ZMYM5: variants seen among roughly 807,000 people sequenced by gnomAD.
The protein encoded by ZMYM5 is zinc finger MYM-type containing 5.
In ZMYM5, 41 loss-of-function variants were observed where a neutral mutation model predicts 61.8. The ratio of observed to expected loss-of-function variants is 0.66; its 90% CI spans 0.52 to 0.86. The LOEUF (loss-of-function observed/expected upper bound fraction) is 0.86, where lower values mean the gene tolerates loss of function less well. Ranked by LOEUF, ZMYM5 falls within the 40% of genes least tolerant of loss-of-function variation. ZMYM5 has a pLI of 0.00. For synonymous variants in ZMYM5, 257 were observed against 276.4 expected, an observed-to-expected ratio of 0.93 and a Z score of 0.70; for missense variants, 706 against 786.7, an observed-to-expected ratio of 0.90 and a Z score of 1.23.
At chr13:19,854,895 G>T (rs1409655101) in intron 2 of ZMYM5, among the ~76,000 whole-genome samples, 1 of 152,102 alleles carries the variant, frequency 6.6e-6, no homozygotes. Context: ...TTCTTAGCCA[G>T]TATATTATAT....
intron 1 of ZMYM5, 145 bp from the exon 2 acceptor site, chr13:19,862,611 A>G (rs1379421597): frequency 6.6e-6 from 1 of 152,170 alleles, no homozygotes; most frequent in Non-Finnish European, 1.5e-5. Flanking sequence ...CGAGAAACTA[A>G]GTTGAAAAAA....
intron 6 of ZMYM5, 52 bp from the exon 7 acceptor site, chr13:19,835,741 T>C (rs1191225487): frequency 1.0e-5 from 13 of 1,270,360 alleles, no homozygotes; most frequent in East Asian, 9.4e-5. Flanking sequence ...CAGATTAGCA[T>C]AGCAAGCAAT....
At chr13:19,859,601 G>GT (rs1425456187) in intron 2 of ZMYM5, among the ~76,000 whole-genome samples, 3 of 151,340 alleles carry the variant, frequency 2.0e-5, no homozygotes, top group East Asian at 4.0e-4. Flanking sequence ...TAAAGATGGG[G>GT]TTTCACCGTG....
intron 4 of ZMYM5, among the ~76,000 whole-genome samples, chr13:19,844,460 T>C (rs187543835): frequency 2.6e-5 from 4 of 152,276 alleles, no homozygotes; most frequent in African/African-American, 9.6e-5. Context: ...GACATGTACA[T>C]AGTAATAAAT....
At position 19,835,139 on chromosome 13, in the gene ZMYM5, T is replaced by C. The variant is rs543351800; in HGVS notation, c.1251+338A>G. On this transcript the variant is annotated intron_variant, in intron 7 of 7. Transcript: ENST00000337963. ...CAAAGTAGCTGAGACTACAGGCACA[T>C]GCCATCATGCCTGCGGCTAATTCTA... Among the ~76,000 whole-genome samples the C allele has an allele frequency of 8.5e-4, 129 of 152,146 alleles. 3 individuals carry two copies. In the South Asian group the frequency reaches 0.026, roughly 30 times the overall value.
chr13:19,853,541 C>G (rs1204521925), intron 2 of ZMYM5, among the ~76,000 whole-genome samples: 1 of 151,896 alleles, frequency 6.6e-6, no homozygotes, highest in Non-Finnish European at 1.5e-5. Context: ...GATTCTCCCA[C>G]CTGGACCTTT....
chr13:19,837,550 C>T, intron 6 of ZMYM5, 106 bp downstream of exon 6: 1 of 1,607,300 alleles, frequency 6.2e-7, no homozygotes, highest in Non-Finnish European at 8.5e-7. Context: ...TCATGTTATA[C>T]ATCCAGAACA....
intron 7 of ZMYM5, among the ~76,000 whole-genome samples, chr13:19,826,046 T>TAAAAAAAAAA (rs56181038): frequency 2.5e-5 from 3 of 118,890 alleles, no homozygotes; most frequent in Admixed American, 9.0e-5. Flanking sequence ...ACTCCATGCT[T>TAAAAAAAAAA]AAAAAAAAAA....
At chr13:19,857,811 A>C (rs1953566343) in intron 2 of ZMYM5, among the ~76,000 whole-genome samples, 1 of 152,092 alleles carries the variant, frequency 6.6e-6, no homozygotes, top group Non-Finnish European at 1.5e-5. Flanking sequence ...TGAGCCCAGG[A>C]GTTCAAGACC....
At chr13:19,838,376 T>C (rs1307238770) in intron 5 of ZMYM5, among the ~76,000 whole-genome samples, 2 of 152,162 alleles carry the variant, frequency 1.3e-5, no homozygotes, top group Non-Finnish European at 2.9e-5. Context: ...AGACTCCGTC[T>C]CAAAAACAAA....
intron 4 of ZMYM5, among the ~76,000 whole-genome samples, chr13:19,849,094 T>C (rs1953188458): frequency 6.6e-6 from 1 of 152,112 alleles, no homozygotes; most frequent in Non-Finnish European, 1.5e-5. Context: ...GAATGAGTAC[T>C]TCAGACAAAT....
chr13:19,824,386 T>A lies in ZMYM5; in HGVS notation c.*91A>T. Reference sequence around the variant, plus strand: ...CTGCAAGTTACTCTGTAGAGGAGACTTACAACACAATAGTACTGACTATTG... The same window carrying A: ...CTGCAAGTTACTCTGTAGAGGAGACATACAACACAATAGTACTGACTATTG... On this transcript the variant is annotated 3_prime_UTR_variant, in exon 8 of 8. Transcript: ENST00000337963. 1 of 1,124,368 alleles carries A rather than the reference T, an allele frequency of 8.9e-7. No individual in the cohort carries two copies. 69.6% of individuals were successfully genotyped at this position (1,124,368 alleles called of 1,614,324 possible).
chr13:19,844,606 T>G (rs750436004), intron 4 of ZMYM5, among the ~76,000 whole-genome samples: 1 of 151,882 alleles, frequency 6.6e-6, no homozygotes, highest in Non-Finnish European at 1.5e-5. Context: ...TGTTAAGGAG[T>G]GTTTACAGTA....
intron 4 of ZMYM5, among the ~76,000 whole-genome samples, chr13:19,844,771 G>A (rs769430262): frequency 3.3e-5 from 5 of 152,134 alleles, no homozygotes; most frequent in Non-Finnish European, 5.9e-5. Flanking sequence ...ACAGGTGGCC[G>A]TCACCACGCC....
chr13:19,851,984 A>G lies in ZMYM5; in HGVS notation c.197T>C (p.Ile66Thr). ...DDDDVVFIES[I>T]QPPSISAPAI... ...TGGAGCAGAAATTGAAGGAGGTTGT[A>G]TAGATTCAATAAACACAACATCATC... The change falls in exon 3 of 8, where the codon ATA becomes ACA. Residue 66 changes from isoleucine to threonine, a missense_variant. This residue lies in a region of ZMYM5 where 480 missense variants were observed against 461.7 expected (regional missense o/e 1.04). Coordinates refer to ENST00000337963, the MANE Select transcript of ZMYM5 (RefSeq NM_001142684.2). The G allele has an allele frequency of 6.2e-7, 1 of 1,614,076 alleles. No individual in the cohort carries two copies. Among genetic ancestry groups the G allele is most frequent in the Non-Finnish European group, 8.5e-7 (1 of 1,180,020 alleles).
In ZMYM5 at chr13:19,824,552, A is replaced by T. The variant is rs1890813686; in HGVS notation, c.1935T>A (p.Asn645Lys). Residue 645 changes from asparagine (N) to lysine (K), a missense_variant, in exon 8 of 8, where the codon AAT becomes AAA. Asn to Lys is a moderately conservative substitution (Grantham distance 94). Coordinates refer to ENST00000337963, the MANE Select transcript of ZMYM5 (RefSeq NM_001142684.2). ...TGTGTTCTGCAGCATCAATAGCTTT[A>T]TTTTTTTTCAGATCAGATTTTAATT... The part of the protein sequence containing the change: ...YSKLKSDLKK[N>K]KAIDAAEHRL... The T allele has an allele frequency of 7.6e-7, 1 of 1,320,784 alleles. No homozygotes were observed. Among genetic ancestry groups the T allele is most frequent in the Non-Finnish European group, 1.0e-6 (1 of 1,001,676 alleles). The allele number at this position is 1,320,784 out of a possible 1,614,324, so 81.8% of individuals were successfully genotyped here. A position where few individuals can be genotyped will look rare whatever the true frequency, so the allele number is the denominator to read the frequency against.
At chr13:19,834,902 T>A (rs1952626494) in intron 7 of ZMYM5, among the ~76,000 whole-genome samples, 2 of 152,086 alleles carry the variant, frequency 1.3e-5, no homozygotes, top group South Asian at 4.2e-4. Flanking sequence ...TTGCCCAGTC[T>A]GGTTTCAAAA....
intron 7 of ZMYM5, among the ~76,000 whole-genome samples, chr13:19,832,379 T>G (rs754991453): frequency 6.6e-6 from 1 of 151,782 alleles, no homozygotes; most frequent in East Asian, 1.9e-4. Flanking sequence ...CAGGCTGGAG[T>G]GCAGTGGCAT....
At chr13:19,846,191 T>G (rs1366933969) in intron 4 of ZMYM5, among the ~76,000 whole-genome samples, 1 of 152,214 alleles carries the variant, frequency 6.6e-6, no homozygotes, top group Admixed American at 6.5e-5. Flanking sequence ...ATAATTTCAT[T>G]AAAGTTTAGC....
Sources: gnomAD v4.1 joint callset for allele counts (sites outside exome capture counted in the v4.1 genomes callset) on GRCh38, gnomAD v4.1.1 for gene constraint, gnomAD v4.1.1 regional missense constraint, MANE v1.5 for transcripts, NCBI Gene and HGNC (gene_info 2026-07-23, HGNC 2026-07-21) for gene names.